Variants in SLC22A13 observed in about 807,000 individuals in gnomAD.
SLC22A13 encodes organic anion transporter 10.
In SLC22A13, 42 loss-of-function variants were observed where a neutral mutation model predicts 49.1. The ratio of observed to expected loss-of-function variants is 0.85; its 90% CI spans 0.67 to 1.11. The LOEUF (loss-of-function observed/expected upper bound fraction) is 1.11. Ranked by LOEUF, SLC22A13 falls within the 50% of genes least tolerant of loss-of-function variation. The pLI is 0.00. For synonymous variants in SLC22A13, 282 were observed against 293.1 expected (o/e 0.96, Z 0.39); for missense variants, 694 against 712.8 (o/e 0.97, Z 0.30).
chr3:38,276,986 G>A lies in SLC22A13; in HGVS notation c.1421G>A (p.Gly474Glu), dbSNP rs1390035410. The change falls in exon 9 of 10, where the codon GGA (glycine) becomes GAA (glutamate). Residue 474 changes from glycine to glutamate, a missense_variant. Transcript: ENST00000311856. Reference protein sequence around the residue: ...GILTPLVILLGEYHAALPMLI... With the variant: ...GILTPLVILLEEYHAALPMLI... ...CTCACACCACTTGTGATCCTGCTGG[G>A]AGAGTACCACGCTGCCCTCCCCATG... 3 of 1,613,340 alleles carry A rather than the reference G, an allele frequency of 1.9e-6. No individual in the cohort carries two copies. Among genetic ancestry groups the A allele is most frequent in the Admixed American group, 3.3e-5 (2 of 59,946 alleles).
chr3:38,268,677 C>G (rs1336897546), intron 1 of SLC22A13, among the ~76,000 whole-genome samples: 3 of 152,190 alleles, frequency 2.0e-5, no homozygotes, highest in East Asian at 1.9e-4. Flanking sequence ...GTTACAGTCA[C>G]GTATATAGGG....
chr3:38,266,363 T>C, intron 1 of SLC22A13, 125 bp downstream of exon 1: 2 of 1,114,526 alleles, frequency 1.8e-6, no homozygotes, highest in South Asian at 1.5e-5. Context: ...CATGGGCACA[T>C]ATGTTTTTCA....
intron 9 of SLC22A13, 94 bp downstream of exon 9, chr3:38,277,221 G>A (rs1268838315): frequency 6.1e-6 from 7 of 1,147,274 alleles, no homozygotes; most frequent in Middle Eastern, 2.0e-4. Flanking sequence ...CTCGTCCACT[G>A]TTGCCTAGAG....
intron 2 of SLC22A13, 65 bp downstream of exon 2, chr3:38,274,440 C>G (rs960694154): frequency 2.1e-6 from 3 of 1,456,846 alleles, no homozygotes; most frequent in Middle Eastern, 1.7e-4. Flanking sequence ...AGGCCCAAGT[C>G]CCCCTTATGC....
chr3:38,277,735 C>A lies in SLC22A13; in HGVS notation c.*270C>A. The A allele has an allele frequency of 3.0e-6, 1 of 337,268 alleles. No homozygotes were observed. Among genetic ancestry groups the A allele is most frequent in the Non-Finnish European group, 5.5e-6 (1 of 183,392 alleles). 20.9% of individuals were successfully genotyped at this position (337,268 alleles called of 1,614,324 possible). On this transcript the variant is annotated 3_prime_UTR_variant, in exon 10 of 10. Coordinates refer to ENST00000311856, the MANE Select transcript of SLC22A13 (RefSeq NM_004256.4). ...GTCTGGGTTAGGATCTTGGGTATGT[C>A]TTGGAATTAACTTGTCCTCTAACAA...
In SLC22A13 at chr3:38,276,530, A is replaced by G. The variant is rs1559538359; in HGVS notation, c.1346+135A>G. The G allele has an allele frequency of 1.1e-5, 7 of 654,884 alleles. No homozygotes were observed. The East Asian group carries it at 1.9e-4, about 18-fold the overall frequency. 40.6% of individuals were successfully genotyped at this position (654,884 alleles called of 1,614,324 possible). On this transcript the variant is annotated intron_variant, in intron 8 of 9. Transcript: ENST00000311856. ...GCAGCAGTGCTGGGCAGGGTCCAGGACAACTAGAAATCTAGCCCAAGCCCT... is the reference window on the plus strand; with the variant it reads ...GCAGCAGTGCTGGGCAGGGTCCAGGGCAACTAGAAATCTAGCCCAAGCCCT...
rs775888486 is a variant in SLC22A13 at position 38,275,510 on chromosome 3, G to A, written c.927+20G>A. ...AACCAGGTACTTCCAGCAGGCCCAG[G>A]CCCAGGCCCAGAATCAGACCCACAC... On this transcript the variant is annotated intron_variant, in intron 5 of 9. Coordinates refer to ENST00000311856, the MANE Select transcript of SLC22A13 (RefSeq NM_004256.4). 1 of 1,614,184 alleles carries A rather than the reference G, an allele frequency of 6.2e-7. No homozygotes were observed. The highest frequency in any genetic ancestry group is 1.1e-5 in the South Asian group (1 of 91,080).
intron 1 of SLC22A13, among the ~76,000 whole-genome samples, chr3:38,268,968 A>AC (rs1284994155): frequency 1.3e-5 from 2 of 150,914 alleles, no homozygotes; most frequent in African/African-American, 2.5e-5. Context: ...AAACAAACAA[A>AC]AAAAACAGCA....
intron 8 of SLC22A13, among the ~76,000 whole-genome samples, 164 bp downstream of exon 8, chr3:38,276,559 G>A (rs1456539831): frequency 1.3e-5 from 2 of 152,226 alleles, no homozygotes; most frequent in Admixed American, 1.3e-4. Context: ...AAGCCCTCAA[G>A]TTGTCCCCAG....
chr3:38,266,334 C>G, intron 1 of SLC22A13, 96 bp downstream of exon 1: 2 of 1,404,538 alleles, frequency 1.4e-6, no homozygotes, highest in South Asian at 1.3e-5. Flanking sequence ...TGTATCTGCC[C>G]CATGCCCATA....
At position 38,277,582 on chromosome 3, in the gene SLC22A13, C is replaced by A; in HGVS notation, c.*117C>A. The A allele has an allele frequency of 1.4e-6, 1 of 704,688 alleles. No homozygotes were observed. The highest frequency in any genetic ancestry group is 2.4e-6 in the Non-Finnish European group (1 of 416,384). 43.7% of individuals were successfully genotyped at this position (704,688 alleles called of 1,614,324 possible). A position where few individuals can be genotyped will look rare whatever the true frequency, so the allele number is the denominator to read the frequency against. ...ACCAGCCTTGCTTATGGAGGCAGGACACCACAATCTGGCCCATGGCTGTCA... is the reference window on the plus strand; with the variant it reads ...ACCAGCCTTGCTTATGGAGGCAGGAAACCACAATCTGGCCCATGGCTGTCA... On this transcript the variant is annotated 3_prime_UTR_variant, in exon 10 of 10. Coordinates refer to ENST00000311856, the MANE Select transcript of SLC22A13 (RefSeq NM_004256.4).
At position 38,266,081 on chromosome 3, in the gene SLC22A13, T is replaced by C. The variant is rs144753685; in HGVS notation, c.221T>C (p.Leu74Pro). The change falls in exon 1 of 10, where the codon CTG (leucine) becomes CCG (proline). Residue 74 changes from leucine to proline, a missense_variant. Coordinates refer to ENST00000311856, the MANE Select transcript of SLC22A13 (RefSeq NM_004256.4). ...GAACAGCTGGTACTGAGCGTGCCCC[T>C]GGACACTGCAGGTCACCCAGAGCCC... is the stretch of plus-strand genomic sequence containing the variant. Reference protein sequence around the residue: ...AAEQLVLSVPLDTAGHPEPCL... With the variant: ...AAEQLVLSVPPDTAGHPEPCL... 4.9e-5 allele frequency: 79 copies of C among 1,614,054 alleles called. No individual in the cohort carries two copies. Among genetic ancestry groups the C allele is most frequent in the Non-Finnish European group, 4.8e-5 (57 of 1,180,042 alleles).
Position 38,275,000 on chromosome 3 carries a change from G to C in SLC22A13, c.649G>C (p.Val217Leu). The C allele has an allele frequency of 6.2e-7, 1 of 1,614,134 alleles. No homozygotes were observed. The highest frequency in any genetic ancestry group is 8.5e-7 in the Non-Finnish European group (1 of 1,179,948). ...CTCCATTGCCACAGTGACAGAATGG[G>C]TGGGGCCCTCATGGAGGACGCAGGC... The part of the protein sequence containing the change: ...FSNVTLLTEW[V>L]GPSWRTQAVV... Residue 217 changes from valine (V) to leucine (L), a missense_variant, in exon 4 of 10, where the codon GTG (valine) becomes CTG (leucine). Physicochemically the swap from Val to Leu is conservative, Grantham distance 32. Coordinates refer to ENST00000311856, the MANE Select transcript of SLC22A13 (RefSeq NM_004256.4).
intron 1 of SLC22A13, among the ~76,000 whole-genome samples, chr3:38,268,537 T>C (rs1441510787): frequency 6.7e-6 from 1 of 149,430 alleles, no homozygotes; most frequent in Non-Finnish European, 1.5e-5. Flanking sequence ...CAGGAAAGAC[T>C]TTTTTTCAGA....
chr3:38,273,873 G>T (rs9832739), intron 1 of SLC22A13, among the ~76,000 whole-genome samples: 1 of 152,176 alleles, frequency 6.6e-6, no homozygotes, highest in South Asian at 2.1e-4. Flanking sequence ...CAACTTCTCA[G>T]TCCTTAAACA....
At chr3:38,267,769 G>A (rs1470059324) in intron 1 of SLC22A13, among the ~76,000 whole-genome samples, 3 of 152,204 alleles carry the variant, frequency 2.0e-5, no homozygotes, top group South Asian at 2.1e-4. Flanking sequence ...TCCTGGTTCC[G>A]GGGGAATGGG....
At position 38,273,321 on chromosome 3, in the gene SLC22A13, G is replaced by A. The variant is rs149976875; in HGVS notation, c.379-951G>A. 6.3e-4 allele frequency among the ~76,000 whole-genome samples: 96 copies of A among 152,206 alleles called. 1 individual carries two copies. The East Asian group carries it at 0.016, about 25-fold the overall frequency. ...TGTGGGATTCTCTCTATAGGTCTTG[G>A]GTGGATTAGCATTCTCTGTGTCTCT... On this transcript the variant is annotated intron_variant, in intron 1 of 9. Coordinates refer to ENST00000311856, the MANE Select transcript of SLC22A13 (RefSeq NM_004256.4).
rs1703563049 is a variant in SLC22A13 at position 38,275,088 on chromosome 3, G to T, written c.737G>T (p.Gly246Val). The change falls in exon 4 of 10, where the codon GGT (glycine) becomes GTT (valine). Residue 246 changes from glycine (G) to valine (V), a missense_variant. Gly to Val is a moderately radical substitution (Grantham distance 109). Transcript: ENST00000311856. ...GQMVLAGLAY[G>V]FRNWRLLQIT... is the part of the protein sequence containing the mutation. ...ATGGTGCTTGCGGGACTCGCCTACG[G>T]TTTCCGCAACTGGAGGCTCCTTCAG... 1.9e-6 allele frequency: 3 copies of T among 1,614,126 alleles called. No individual in the cohort carries two copies. Among genetic ancestry groups the T allele is most frequent in the Middle Eastern group, 1.6e-4 (1 of 6,082 alleles).
chr3:38,265,873 G>T lies in SLC22A13; in HGVS notation c.13G>T (p.Val5Phe). Residue 5 changes from valine (V) to phenylalanine (F), a missense_variant, in exon 1 of 10, where the codon GTC (valine) becomes TTC (phenylalanine). Physicochemically the swap from Val to Phe is conservative, Grantham distance 50 (BLOSUM62 -1). Transcript: ENST00000311856. Reference protein sequence around the residue: MAQFVQVLAEIGDFG... With the variant: MAQFFQVLAEIGDFG... Reference sequence around the variant, plus strand: ...GTGACTGGCATACATGGCTCAGTTTGTCCAGGTCCTGGCTGAAATAGGTGA... The same window carrying T: ...GTGACTGGCATACATGGCTCAGTTTTTCCAGGTCCTGGCTGAAATAGGTGA... 1.2e-6 allele frequency: 2 copies of T among 1,614,090 alleles called. No individual in the cohort carries two copies. The highest frequency in any genetic ancestry group is 2.2e-5 in the East Asian group (1 of 44,894).
Sources: allele counts gnomAD v4.1 joint callset (sites outside exome capture counted in the v4.1 genomes callset), GRCh38; gene constraint gnomAD v4.1.1; transcripts MANE v1.5; gene names NCBI Gene and HGNC (gene_info 2026-07-23, HGNC 2026-07-21).